VANGL1: variants seen among roughly 807,000 people sequenced by gnomAD.
VANGL1 encodes VANGL planar cell polarity protein 1.
A neutral mutation model predicts 48.4 loss-of-function variants in VANGL1; 18 were observed. That is an observed-to-expected ratio of 0.37 (90% CI 0.26 to 0.55). The LOEUF (loss-of-function observed/expected upper bound fraction) is 0.55, where lower values mean the gene tolerates loss of function less well. VANGL1 is among the 20% of genes least tolerant of loss of function. The pLI, the probability that VANGL1 is intolerant of heterozygous loss-of-function variation, is 0.81. For missense variants in VANGL1, 667 were observed against 675.8 expected, an observed-to-expected ratio of 0.99 and a Z score of 0.14; for synonymous variants, 257 against 261.8, an observed-to-expected ratio of 0.98 and a Z score of 0.18.
intron 1 of VANGL1, among the ~76,000 whole-genome samples, chr1:115,650,741 A>G (rs774275307): frequency 5.3e-5 from 8 of 152,062 alleles, no homozygotes; most frequent in Non-Finnish European, 1.0e-4. Flanking sequence ...TTTATTATTT[A>G]TAGACAATGA....
At chr1:115,643,408 T>C (rs1651806297) in intron 1 of VANGL1, among the ~76,000 whole-genome samples, 2 of 152,206 alleles carry the variant, frequency 1.3e-5, no homozygotes, top group African/African-American at 4.8e-5. Context: ...CCACTAATTA[T>C]AGAGTTTTTA....
intron 7 of VANGL1, among the ~76,000 whole-genome samples, chr1:115,686,351 G>A (rs1206748255): frequency 3.2e-5 from 4 of 124,190 alleles, no homozygotes; most frequent in South Asian, 5.4e-4. Flanking sequence ...CAGCCTGGGC[G>A]ACAGAGCGAG....
At chr1:115,679,797 G>C (rs1653308704) in intron 4 of VANGL1, among the ~76,000 whole-genome samples, 1 of 152,190 alleles carries the variant, frequency 6.6e-6, no homozygotes, top group Admixed American at 6.5e-5. Context: ...ATGCTTTTCT[G>C]TTGGAATCCA....
rs763234743 is a variant in VANGL1, at chr1:115,689,055, T to G, written c.1315-2064T>G. 2.3e-4 allele frequency among the ~76,000 whole-genome samples: 32 copies of G among 137,614 alleles called. 6 individuals are homozygous for G. The highest frequency in any genetic ancestry group is 4.8e-4 in the Non-Finnish European group (30 of 63,100). The allele number at this position is 137,614 out of a possible 152,430, so 90.3% of individuals were successfully genotyped here. ...ATCTGCCTGCTTCAACCTCCCAAAG[T>G]TCTGGGATTACAGGCATGAGCCACT... On this transcript the variant is annotated intron_variant, in intron 7 of 7. Coordinates refer to ENST00000355485, the MANE Select transcript of VANGL1 (RefSeq NM_138959.3).
At chr1:115,687,316 T>C (rs1396384742) in intron 7 of VANGL1, among the ~76,000 whole-genome samples, 1 of 138,886 alleles carries the variant, frequency 7.2e-6, no homozygotes, top group African/African-American at 2.7e-5. Flanking sequence ...TCTGTTAGAA[T>C]AGTAAGTTAC....
In VANGL1 at chr1:115,651,420, A is replaced by G. The variant is rs1336223672; in HGVS notation, c.7A>G (p.Thr3Ala). The G allele has an allele frequency of 6.2e-7, 1 of 1,614,012 alleles. No individual in the cohort carries two copies. The highest frequency in any genetic ancestry group is 8.5e-7 in the Non-Finnish European group (1 of 1,179,996). The change falls in exon 2 of 8, where the codon ACC becomes GCC. Residue 3 changes from threonine (T) to alanine (A), a missense_variant. Thr to Ala is a moderately conservative substitution (Grantham distance 58). Coordinates refer to ENST00000355485, the MANE Select transcript of VANGL1 (RefSeq NM_138959.3). ...GCGCAAGCCCTCCATTGCTATGGAT[A>G]CCGAATCCACTTATTCTGGATATTC... MD[T>A]ESTYSGYSYY...
At chr1:115,686,009 A>G (rs1047366064) in intron 7 of VANGL1, among the ~76,000 whole-genome samples, 2 of 152,186 alleles carry the variant, frequency 1.3e-5, no homozygotes, top group African/African-American at 4.8e-5. Context: ...ACATATAAAC[A>G]GAGGTCCTTA....
Position 115,655,053 on chromosome 1 carries a change from C to A in VANGL1, c.71+3569C>A, listed in dbSNP as rs569998227. On this transcript the variant is annotated intron_variant, in intron 2 of 7. Coordinates refer to ENST00000355485, the MANE Select transcript of VANGL1 (RefSeq NM_138959.3). ...CTAAAATGCACAAAAAGAGGGCCGC[C>A]GGGGCAGTGAGGAATTGGTGCTTTT... Among the ~76,000 whole-genome samples, 18 of 152,294 alleles carry A rather than the reference C, an allele frequency of 1.2e-4. No individual in the cohort carries two copies. In the South Asian group the frequency reaches 3.1e-3, roughly 26 times the overall value.
intron 1 of VANGL1, among the ~76,000 whole-genome samples, chr1:115,644,210 G>A (rs961077834): frequency 9.2e-5 from 14 of 152,204 alleles, no homozygotes; most frequent in African/African-American, 3.4e-4. Flanking sequence ...CAACGTTTAA[G>A]CCCTGGCTCC....
intron 1 of VANGL1, among the ~76,000 whole-genome samples, chr1:115,648,230 C>A (rs974635636): frequency 1.3e-5 from 2 of 152,212 alleles, no homozygotes; most frequent in Admixed American, 6.5e-5. Context: ...GGTGGATGGA[C>A]TAATAAATGA....
rs1351602525 is a variant in VANGL1, at chr1:115,687,997, G to GACAC, written c.1314+2471_1314+2472insCACA. Among the ~76,000 whole-genome samples, 27 of 131,990 alleles carry GACAC rather than the reference G, an allele frequency of 2.0e-4. 3 individuals are homozygous for GACAC. Among genetic ancestry groups the GACAC allele is most frequent in the African/African-American group, 6.7e-4 (23 of 34,556 alleles). The allele number at this position is 131,990 out of a possible 152,430, so 86.6% of individuals were successfully genotyped here. ...AGATAGATAGATAGATAGACACATA[G>GACAC]ATAGATACATAGATAGATACATAGA... is the stretch of plus-strand genomic sequence containing the variant. On this transcript the variant is annotated intron_variant, in intron 7 of 7. Transcript: ENST00000355485.
intron 1 of VANGL1, among the ~76,000 whole-genome samples, chr1:115,648,239 G>A (rs1652011545): frequency 6.6e-6 from 1 of 152,162 alleles, no homozygotes; most frequent in South Asian, 2.1e-4. Context: ...ACTAATAAAT[G>A]AAATAAAAAG....
At chr1:115,667,690 C>T (rs964437423) in intron 4 of VANGL1, among the ~76,000 whole-genome samples, 1 of 152,228 alleles carries the variant, frequency 6.6e-6, no homozygotes, top group African/African-American at 2.4e-5. Flanking sequence ...TCCATACACA[C>T]CTTGCTCGTC....
intron 7 of VANGL1, among the ~76,000 whole-genome samples, chr1:115,689,069 G>T (rs1302329479): frequency 7.3e-6 from 1 of 137,320 alleles, no homozygotes; most frequent in African/African-American, 2.7e-5. Flanking sequence ...GGGATTACAG[G>T]CATGAGCCAC....
At position 115,697,574 on chromosome 1, in the gene VANGL1, A is replaced by G. The variant is rs1220182351; in HGVS notation, c.*6195A>G. 6.6e-6 allele frequency: 1 copy of G among 152,210 alleles called. No homozygotes were observed. Among genetic ancestry groups the G allele is most frequent in the Non-Finnish European group, 1.5e-5 (1 of 68,044 alleles). 9.4% of individuals were successfully genotyped at this position (152,210 alleles called of 1,614,324 possible). ...CTGGCTCAGTGATTTAACTCACATT[A>G]TAGATGACCCCTTCCTCAACAGAAA... On this transcript the variant is annotated 3_prime_UTR_variant, in exon 8 of 8. Coordinates refer to ENST00000355485, the MANE Select transcript of VANGL1 (RefSeq NM_138959.3).
In VANGL1 at chr1:115,664,174, C is replaced by T; in HGVS notation, c.718C>T (p.Leu240=). The T allele has an allele frequency of 6.2e-7, 1 of 1,614,096 alleles. No homozygotes were observed. The highest frequency in any genetic ancestry group is 8.5e-7 in the Non-Finnish European group (1 of 1,179,928). ...CTTCATCCATTACCTGGCCATCGTCCTGCTGGAGCTCAGGCAGCTGCAGCC... is the reference window on the plus strand; with the variant it reads ...CTTCATCCATTACCTGGCCATCGTCTTGCTGGAGCTCAGGCAGCTGCAGCC... The part of the protein sequence containing the change: ...LLFIHYLAIV[L]LELRQLQPMF... The change falls in exon 4 of 8, where the codon CTG becomes TTG. Residue 240 remains leucine, a synonymous_variant. Coordinates refer to ENST00000355485, the MANE Select transcript of VANGL1 (RefSeq NM_138959.3).
intron 4 of VANGL1, 75 bp downstream of exon 4, chr1:115,664,343 G>C (rs1348521434): frequency 6.4e-7 from 1 of 1,560,476 alleles, no homozygotes; most frequent in Non-Finnish European, 8.6e-7. Flanking sequence ...TAGCACGTGA[G>C]GGGTGGTGAC....
Position 115,697,124 on chromosome 1 carries a change from G to A in VANGL1, c.*5745G>A, listed in dbSNP as rs1654061388. 6.6e-6 allele frequency: 1 copy of A among 152,124 alleles called. No homozygotes were observed. Among genetic ancestry groups the A allele is most frequent in the African/African-American group, 2.4e-5 (1 of 41,416 alleles). The allele number at this position is 152,124 out of a possible 1,614,324, so 9.4% of individuals were successfully genotyped here. A position where few individuals can be genotyped will look rare whatever the true frequency, so the allele number is the denominator to read the frequency against. ...TCAGCCTAAGAAAGCTTCATCTGTG[G>A]GGACCAGAGACTTGTTGCTCAGGGA... On this transcript the variant is annotated 3_prime_UTR_variant, in exon 8 of 8. Transcript: ENST00000355485.
intron 3 of VANGL1, among the ~76,000 whole-genome samples, chr1:115,662,060 T>C (rs1652578816): frequency 6.6e-6 from 1 of 152,192 alleles, no homozygotes; most frequent in Admixed American, 6.5e-5. Flanking sequence ...CCACCAGCAG[T>C]GTTGGAGAGT....
Sources: gnomAD v4.1 joint callset for allele counts (sites outside exome capture counted in the v4.1 genomes callset) on GRCh38, gnomAD v4.1.1 for gene constraint, MANE v1.5 for transcripts, NCBI Gene and HGNC (gene_info 2026-07-23, HGNC 2026-07-21) for gene names.